The following CEP128 variants were observed in gnomAD, a reference collection of about 807,000 sequenced individuals.
CEP128 encodes the protein centrosomal protein 128kDa.
Under a neutral mutation model 156.7 loss-of-function variants are expected in CEP128, and 132 were observed. The ratio of observed to expected loss-of-function variants is 0.84; its 90% confidence interval spans 0.73 to 0.97. The LOEUF (loss-of-function observed/expected upper bound fraction) is 0.97. CEP128 is among the 50% of genes least tolerant of loss of function. CEP128 has a pLI of 0.00. For synonymous variants in CEP128, 469 were observed against 448.9 expected (o/e 1.04, Z -0.57); for missense variants, 1,252 against 1,281.9 (o/e 0.98, Z 0.36).
Position 80,533,059 on chromosome 14 carries a change from A to AT in CEP128, c.2881-2174dup, listed in dbSNP as rs565433698. ...CATGCATTTTAAATGACTTCATCTA[A>AT]TTTTTTCATGTGTAGGAAAGATTCA... On this transcript the variant is annotated intron_variant, in intron 21 of 24. Coordinates refer to ENST00000555265, the MANE Select transcript of CEP128 (RefSeq NM_152446.5). Among the ~76,000 whole-genome samples the AT allele has an allele frequency of 5.9e-5, 9 of 152,124 alleles. 1 individual carries two copies. The South Asian group carries it at 1.5e-3, about 25-fold the overall frequency.
chr14:80,653,336 T>C (rs1350074896), intron 19 of CEP128, among the ~76,000 whole-genome samples: 2 of 149,992 alleles, frequency 1.3e-5, no homozygotes, highest in African/African-American at 2.5e-5. Flanking sequence ...AGTTTAATAA[T>C]AAAAAAAAAA....
intron 18 of CEP128, 97 bp from the exon 19 acceptor site, chr14:80,743,364 A>T (rs1898933230): frequency 9.6e-7 from 1 of 1,041,982 alleles, no homozygotes; most frequent in Non-Finnish European, 1.4e-6. Context: ...ATTTGAACAA[A>T]TATAGATAAT....
chr14:80,504,259 T>A (rs1887868462), intron 24 of CEP128, among the ~76,000 whole-genome samples: 1 of 152,148 alleles, frequency 6.6e-6, no homozygotes, highest in Admixed American at 6.5e-5. Flanking sequence ...AAACAGGCAC[T>A]CCTCCTATCC....
chr14:80,714,997 C>T (rs1209070881), intron 19 of CEP128, among the ~76,000 whole-genome samples: 5 of 151,994 alleles, frequency 3.3e-5, no homozygotes, highest in Admixed American at 6.6e-5. Context: ...CCGTGGTGGG[C>T]GGATCACTTG....
chr14:80,926,198 C>T (rs535341349), intron 2 of CEP128, among the ~76,000 whole-genome samples: 2 of 152,262 alleles, frequency 1.3e-5, no homozygotes, highest in South Asian at 2.1e-4. Context: ...GCCTCTACTT[C>T]ATGGGCTGAC....
chr14:80,662,172 C>T (rs1004381729), intron 19 of CEP128, among the ~76,000 whole-genome samples: 1 of 152,080 alleles, frequency 6.6e-6, no homozygotes, highest in Non-Finnish European at 1.5e-5. Context: ...TGGGTATGTA[C>T]ATCATTTGTG....
chr14:80,692,675 TG>T (rs1896758417), intron 19 of CEP128, among the ~76,000 whole-genome samples: 1 of 151,864 alleles, frequency 6.6e-6, no homozygotes, highest in Admixed American at 6.6e-5. Context: ...TTAATTTTAC[TG>T]TTGGGGGCCT....
At chr14:80,663,143 G>A (rs1895468184) in intron 19 of CEP128, among the ~76,000 whole-genome samples, 1 of 152,176 alleles carries the variant, frequency 6.6e-6, no homozygotes, top group South Asian at 2.1e-4. Context: ...CAGGCCCCGG[G>A]CTGAGAGAGC....
At chr14:80,792,336 T>G (rs149143990) in intron 14 of CEP128, among the ~76,000 whole-genome samples, 1,685 of 152,344 alleles carry the variant, frequency 0.011, 81 homozygotes, top group East Asian at 0.086. Flanking sequence ...CTGCATTTTT[T>G]AAATGCTTCT....
intron 21 of CEP128, among the ~76,000 whole-genome samples, chr14:80,550,673 T>A (rs916475755): frequency 8.6e-5 from 13 of 151,678 alleles, no homozygotes; most frequent in Non-Finnish European, 1.9e-4. Context: ...TGTATATATA[T>A]GAATATCGAG....
intron 13 of CEP128, among the ~76,000 whole-genome samples, chr14:80,805,335 A>G (rs966235917): frequency 1.3e-5 from 2 of 152,114 alleles, no homozygotes; most frequent in African/African-American, 4.8e-5. Flanking sequence ...GCTACTAGTC[A>G]TACAGACATT....
At chr14:80,485,292 T>G (rs772740235) in intron 14 of CEP128, among the ~76,000 whole-genome samples, 3 of 152,186 alleles carry the variant, frequency 2.0e-5, no homozygotes, top group Non-Finnish European at 4.4e-5. Context: ...CTTTAGTATT[T>G]ATCTCAAAAG....
intron 8 of CEP128, among the ~76,000 whole-genome samples, chr14:80,865,733 C>T (rs1887736796): frequency 6.6e-6 from 1 of 152,116 alleles, no homozygotes. Flanking sequence ...TCTGCTTGTT[C>T]TAATAAAGCA....
chr14:80,869,088 A>G (rs554817378), intron 8 of CEP128, among the ~76,000 whole-genome samples: 41 of 142,920 alleles, frequency 2.9e-4, no homozygotes, highest in Non-Finnish European at 4.2e-4. Flanking sequence ...AAGTCTATAG[A>G]GAAACATTAG....
intron 19 of CEP128, among the ~76,000 whole-genome samples, chr14:80,584,136 G>C (rs1019866998): frequency 6.8e-6 from 1 of 146,040 alleles, no homozygotes; most frequent in Non-Finnish European, 1.5e-5. Context: ...CAGGGCGTCC[G>C]TGACATTTTT....
At chr14:80,653,239 C>T (rs1274289517) in intron 19 of CEP128, among the ~76,000 whole-genome samples, 2 of 151,924 alleles carry the variant, frequency 1.3e-5, no homozygotes, top group African/African-American at 4.8e-5. Context: ...ATGTAGATGA[C>T]GGGTTGATGG....
At chr14:80,499,978 G>T (rs1430615476) in intron 24 of CEP128, among the ~76,000 whole-genome samples, 3 of 152,146 alleles carry the variant, frequency 2.0e-5, no homozygotes, top group African/African-American at 7.2e-5. Flanking sequence ...GATAAATTTG[G>T]TAGTGATCAT....
In CEP128 at chr14:80,788,142, T is replaced by C. The variant is rs919831629; in HGVS notation, c.1561-2597A>G. 5.9e-5 allele frequency among the ~76,000 whole-genome samples: 9 copies of C among 152,248 alleles called. No individual in the cohort carries two copies. The East Asian group carries it at 1.7e-3, about 29-fold the overall frequency. Reference sequence around the variant, plus strand: ...CTAGTAGCCACAGCTTAAGATTCTGTCTAGGCATTTTCTCTGAGTCTGAAA... The same window carrying C: ...CTAGTAGCCACAGCTTAAGATTCTGCCTAGGCATTTTCTCTGAGTCTGAAA... On this transcript the variant is annotated intron_variant, in intron 14 of 24. Transcript: ENST00000555265.
At chr14:80,810,465 CTGAA>C (rs1163419262) in intron 13 of CEP128, among the ~76,000 whole-genome samples, 2 of 151,256 alleles carry the variant, frequency 1.3e-5, no homozygotes, top group Non-Finnish European at 2.9e-5. Flanking sequence ...TATAGATTGA[CTGAA>C]TGGATTTTTA....
Sources: gnomAD v4.1 joint callset for allele counts (sites outside exome capture counted in the v4.1 genomes callset) on GRCh38, gnomAD v4.1.1 for gene constraint, MANE v1.5 for transcripts, NCBI Gene and HGNC (gene_info 2026-07-23, HGNC 2026-07-21) for gene names.